The following ZCCHC10 variants were observed in gnomAD, a reference collection of about 807,000 sequenced individuals.
ZCCHC10 encodes the protein zinc finger CCHC-type containing 10, also known as zinc finger CCHC domain-containing protein 10.
In ZCCHC10, 16 loss-of-function variants were observed where a neutral mutation model predicts 19.5. The ratio of observed to expected loss-of-function variants is 0.82; its 90% CI spans 0.56 to 1.25. ZCCHC10 has a LOEUF of 1.25. Among genes scored for constraint, ZCCHC10 ranks in the 50% most tolerant of loss-of-function variants. ZCCHC10 has a pLI of 0.00. For missense variants in ZCCHC10, 197 were observed against 201.0 expected (o/e 0.98, Z 0.12); for synonymous variants, 67 against 72.5 (o/e 0.92, Z 0.38).
chr5:133,002,858 T>C (rs968622184), intron 3 of ZCCHC10, among the ~76,000 whole-genome samples: 1 of 152,126 alleles, frequency 6.6e-6, no homozygotes, highest in Non-Finnish European at 1.5e-5. Flanking sequence ...TAGCTGGGAT[T>C]ACAGGTGCCC....
chr5:133,012,877 C>T lies in ZCCHC10; in HGVS notation c.108-5957G>A, dbSNP rs555040178. On this transcript the variant is annotated intron_variant, in intron 2 of 4. Transcript: ENST00000509437. Reference sequence around the variant, plus strand: ...CATCCTGGCTAACACGGTGAAACCCCGTCTCTATTAAAAATACAAAAAAAT... The same window carrying T: ...CATCCTGGCTAACACGGTGAAACCCTGTCTCTATTAAAAATACAAAAAAAT... 1.6e-3 allele frequency among the ~76,000 whole-genome samples: 248 copies of T among 151,976 alleles called. 1 individual carries two copies. The highest frequency in any genetic ancestry group is 5.7e-3 in the African/African-American group (237 of 41,498).
chr5:133,010,193 C>G (rs1763406159), intron 2 of ZCCHC10, among the ~76,000 whole-genome samples: 1 of 151,846 alleles, frequency 6.6e-6, no homozygotes, highest in Non-Finnish European at 1.5e-5. Flanking sequence ...GGACTACAGG[C>G]ACACACCACC....
At chr5:133,011,322 T>C (rs1354608137) in intron 2 of ZCCHC10, 3 of 151,562 alleles carry the variant, frequency 2.0e-5, no homozygotes, top group Non-Finnish European at 2.9e-5. Context: ...GTGTGAGACT[T>C]TTATGCAAAA....
At position 133,022,071 on chromosome 5, in the gene ZCCHC10, C is replaced by T. The variant is rs1764348430; in HGVS notation, c.107+770G>A. On this transcript the variant is annotated intron_variant, in intron 2 of 4. Transcript: ENST00000509437. ...TGGGCCACCCAAAGTGCTGGGATTA[C>T]AGGCATGAGCCACCGCACCCGGCCT... Among the ~76,000 whole-genome samples the T allele has an allele frequency of 2.0e-5, 3 of 152,182 alleles. 1 individual carries two copies. The highest frequency in any genetic ancestry group is 2.0e-4 in the Admixed American group (3 of 15,274).
Position 133,003,014 on chromosome 5 carries a change from C to T in ZCCHC10, c.270-2841G>A, listed in dbSNP as rs938101980. ...GGATTACAGGTGTGAGCCACCACGC[C>T]CGGCCTTTTTTTAAGAAACAGGGTC... On this transcript the variant is annotated intron_variant, in intron 3 of 4. Transcript: ENST00000509437. The T allele has an allele frequency of 2.3e-5, 4 of 171,580 alleles. No homozygotes were observed. The Admixed American group carries it at 2.5e-4, about 11-fold the overall frequency. The allele number at this position is 171,580 out of a possible 1,614,324, so 10.6% of individuals were successfully genotyped here. A position where few individuals can be genotyped will look rare whatever the true frequency, so the allele number is the denominator to read the frequency against.
intron 2 of ZCCHC10, 35 bp from the exon 3 acceptor site, chr5:133,006,955 T>A: frequency 6.5e-7 from 1 of 1,548,020 alleles, no homozygotes; most frequent in Non-Finnish European, 8.7e-7. Flanking sequence ...AGCCTTAAAA[T>A]TCTGTCTTGT....
intron 1 of ZCCHC10, 61 bp downstream of exon 1, chr5:133,026,436 C>A (rs1271741685): frequency 2.5e-6 from 4 of 1,597,508 alleles, no homozygotes; most frequent in Non-Finnish European, 3.4e-6. Flanking sequence ...GACACCAGCC[C>A]GTTGACGCGC....
intron 2 of ZCCHC10, among the ~76,000 whole-genome samples, chr5:133,011,725 G>T (rs890952716): frequency 1.1e-4 from 16 of 151,372 alleles, no homozygotes; most frequent in Admixed American, 9.9e-4. Context: ...AGACTGGAAG[G>T]TTCAGTATTA....
At chr5:133,013,539 T>C (rs1004293148) in intron 2 of ZCCHC10, among the ~76,000 whole-genome samples, 6 of 151,612 alleles carry the variant, frequency 4.0e-5, no homozygotes, top group Non-Finnish European at 5.9e-5. Context: ...CTGGACAACA[T>C]AGTGAAACCT....
rs772161135 is a variant in ZCCHC10, at chr5:133,026,505, C to G, written c.33G>C (p.Arg11=). The part of the protein sequence containing the change: MATPMHRLIA[R]RQAFDTELQP... Reference sequence around the variant, plus strand: ...ACCGGATCCTTACTTACGCTTGTCTCCGGGCTATTAGCCGATGCATGGGAG... The same window carrying G: ...ACCGGATCCTTACTTACGCTTGTCTGCGGGCTATTAGCCGATGCATGGGAG... Residue 11 remains arginine, a synonymous_variant, in exon 1 of 5, where the codon CGG becomes CGC. Coordinates refer to ENST00000509437, the MANE Select transcript of ZCCHC10 (RefSeq NM_001300816.3). The G allele has an allele frequency of 6.2e-7, 1 of 1,613,720 alleles. No homozygotes were observed. The highest frequency in any genetic ancestry group is 1.1e-5 in the South Asian group (1 of 90,952).
At chr5:133,025,232 C>T (rs892998738) in intron 1 of ZCCHC10, among the ~76,000 whole-genome samples, 7 of 151,944 alleles carry the variant, frequency 4.6e-5, no homozygotes, top group African/African-American at 1.2e-4. Context: ...TTGCCGCGCG[C>T]GGTAGCTCAC....
At chr5:133,011,767 A>G (rs1763552421) in intron 2 of ZCCHC10, among the ~76,000 whole-genome samples, 1 of 152,066 alleles carries the variant, frequency 6.6e-6, no homozygotes, top group South Asian at 2.1e-4. Context: ...ATTCCTGTAT[A>G]GATTCAAAGC....
At chr5:133,024,169 G>A (rs914003841) in intron 1 of ZCCHC10, among the ~76,000 whole-genome samples, 1 of 152,180 alleles carries the variant, frequency 6.6e-6, no homozygotes, top group Non-Finnish European at 1.5e-5. Context: ...TCTGAAACAA[G>A]AAATAGCAGT....
In ZCCHC10 at chr5:133,004,667, T is replaced by C. The variant is rs547036099; in HGVS notation, c.269+2092A>G. ...CCACGCCCGGCTGATTTTTTGTATCTTTTTAGTAGAGACAGGGTTTCACTG... is the reference window on the plus strand; with the variant it reads ...CCACGCCCGGCTGATTTTTTGTATCCTTTTAGTAGAGACAGGGTTTCACTG... On this transcript the variant is annotated intron_variant, in intron 3 of 4. Transcript: ENST00000509437. Among the ~76,000 whole-genome samples the C allele has an allele frequency of 1.8e-4, 28 of 151,690 alleles. No homozygotes were observed. The South Asian group carries it at 5.8e-3, about 32-fold the overall frequency.
At chr5:133,006,729 T>C (rs139987888) in intron 3 of ZCCHC10, 30 bp downstream of exon 3, 3 of 1,562,734 alleles carry the variant, frequency 1.9e-6, no homozygotes, top group African/African-American at 1.4e-5. Context: ...ATTAAAAAAA[T>C]ATTCCTTTGG....
chr5:133,003,882 G>T (rs1008385049), intron 3 of ZCCHC10, among the ~76,000 whole-genome samples: 8 of 151,928 alleles, frequency 5.3e-5, no homozygotes, highest in Admixed American at 4.6e-4. Flanking sequence ...GCTAATTTTT[G>T]TATTTTTAGT....
Sources: gnomAD v4.1 joint callset for allele counts (sites outside exome capture counted in the v4.1 genomes callset) on GRCh38, gnomAD v4.1.1 for gene constraint, MANE v1.5 for transcripts, NCBI Gene and HGNC (gene_info 2026-07-23, HGNC 2026-07-21) for gene names.